Variants in MRGPRF observed in about 807,000 individuals in gnomAD.
MRGPRF encodes the protein mas-related G protein-coupled receptor member F.
Under a neutral mutation model 3.3 loss-of-function variants are expected in MRGPRF, and 2 were observed. That is an observed-to-expected ratio of 0.61 (90% CI 0.25 to 1.92). The LOEUF is 1.92. MRGPRF is among the 40% of genes most tolerant of loss of function. MRGPRF has a pLI of 0.16. For synonymous variants in MRGPRF, 242 were observed against 222.7 expected, an observed-to-expected ratio of 1.09 and a Z score of -0.77; for missense variants, 500 against 476.0, an observed-to-expected ratio of 1.05 and a Z score of -0.47.
At position 69,005,640 on chromosome 11, in the gene MRGPRF, C is replaced by T. The variant is rs139495945; in HGVS notation, c.670G>A (p.Val224Met). The T allele has an allele frequency of 9.0e-6, 14 of 1,553,794 alleles. No individual in the cohort carries two copies. The Admixed American group carries it at 1.2e-4, about 13-fold the overall frequency. The change falls in exon 3 of 3, where the codon GTG becomes ATG. Residue 224 changes from valine to methionine, a missense_variant. Coordinates refer to ENST00000309099, the MANE Select transcript of MRGPRF (RefSeq NM_145015.5). ...TGGCGCCGTCGGGCCCGGCACTCCA[C>T]GTGCAGGATGAGGGCCAGGCAGGGC... The part of the protein sequence containing the change: ...VLPCLALILH[V>M]ECRARRRQRS...
chr11:69,005,899 G>A lies in MRGPRF; in HGVS notation c.411C>T (p.Val137=). ...FLTGVSLLPA[V]SAERCASVIF... ...TGACCGAGGCGCAGCGCTCGGCGCT[G>A]ACGGCCGGCAGGAGGCTCACGCCGG... The change falls in exon 3 of 3, where the codon GTC becomes GTT. Residue 137 remains valine (V), a synonymous_variant. Transcript: ENST00000309099. 6.4e-7 allele frequency: 1 copy of A among 1,572,508 alleles called. No homozygotes were observed.
rs1024298309 is a variant in MRGPRF at position 69,004,550 on chromosome 11, T to C, written c.*728A>G. 2.0e-5 allele frequency: 3 copies of C among 152,360 alleles called. No homozygotes were observed. Among genetic ancestry groups the C allele is most frequent in the Non-Finnish European group, 2.9e-5 (2 of 68,142 alleles). 9.4% of individuals were successfully genotyped at this position (152,360 alleles called of 1,614,324 possible). The stretch of plus-strand genomic sequence containing the variant: ...GGTGGGGGCTGGAGCCAAGAGGCTG[T>C]CCAGGAGCTGCCCAGTGGGTCCTCA... On this transcript the variant is annotated 3_prime_UTR_variant, in exon 3 of 3. Coordinates refer to ENST00000309099, the MANE Select transcript of MRGPRF (RefSeq NM_145015.5).
chr11:69,005,624 C>G lies in MRGPRF; in HGVS notation c.686G>C (p.Arg229Pro). The G allele has an allele frequency of 6.4e-7, 1 of 1,557,898 alleles. No individual in the cohort carries two copies. Among genetic ancestry groups the G allele is most frequent in the Non-Finnish European group, 8.7e-7 (1 of 1,151,238 alleles). The stretch of plus-strand genomic sequence containing the variant: ...GAGCTTGGCAGAGCGCTGGCGCCGT[C>G]GGGCCCGGCACTCCACGTGCAGGAT... ...ALILHVECRA[R>P]RRQRSAKLNH... The change falls in exon 3 of 3, where the codon CGA becomes CCA. Residue 229 changes from arginine (R) to proline (P), a missense_variant. Physicochemically the swap from Arg to Pro is moderately radical, Grantham distance 103 (BLOSUM62 -2). Coordinates refer to ENST00000309099, the MANE Select transcript of MRGPRF (RefSeq NM_145015.5).
rs764030760 is a variant in MRGPRF, at chr11:69,006,115, G to C, written c.195C>G (p.Val65=). The change falls in exon 3 of 3, where the codon GTC becomes GTG. Residue 65 remains valine, a synonymous_variant. Coordinates refer to ENST00000309099, the MANE Select transcript of MRGPRF (RefSeq NM_145015.5). The part of the protein sequence containing the change: ...CLCGLVGNGL[V]LWFFGFSIKR... ...TGATGGAGAAGCCGAAAAACCAGAG[G>C]ACCAGCCCGTTGCCCACCAGGCCAC... The C allele has an allele frequency of 8.1e-6, 13 of 1,613,834 alleles. No individual in the cohort carries two copies. The highest frequency in any genetic ancestry group is 1.1e-5 in the Non-Finnish European group (13 of 1,179,902).
chr11:69,007,698 A>G (rs951132544), intron 2 of MRGPRF, among the ~76,000 whole-genome samples: 1 of 152,132 alleles, frequency 6.6e-6, no homozygotes, highest in Non-Finnish European at 1.5e-5. Context: ...ATCACTTGTA[A>G]GTTACATTTA....
chr11:69,009,719 A>C (rs750780147), intron 2 of MRGPRF, 135 bp downstream of exon 2: 1 of 1,066,048 alleles, frequency 9.4e-7, no homozygotes, highest in South Asian at 1.3e-5. Flanking sequence ...AGAGGAGCCC[A>C]CTGCCCACGG....
chr11:69,006,904 C>T (rs944701399), intron 2 of MRGPRF, among the ~76,000 whole-genome samples: 1 of 152,166 alleles, frequency 6.6e-6, no homozygotes, highest in Non-Finnish European at 1.5e-5. Flanking sequence ...AGACGTGAGT[C>T]ACTGCGCCTG....
At chr11:69,009,488 G>A (rs761610039) in intron 2 of MRGPRF, 8 of 579,466 alleles carry the variant, frequency 1.4e-5, no homozygotes, top group Non-Finnish European at 2.5e-5. Context: ...GGCCACCTTG[G>A]AGTCAGCGTC....
At chr11:69,009,669 G>A in intron 2 of MRGPRF, 185 bp downstream of exon 2, 1 of 723,778 alleles carries the variant, frequency 1.4e-6, no homozygotes, top group Admixed American at 2.0e-5. Context: ...GGACAGGAGG[G>A]TAGGAGGGTC....
chr11:69,009,691 T>G, intron 2 of MRGPRF, 163 bp downstream of exon 2: 3 of 809,744 alleles, frequency 3.7e-6, no homozygotes, highest in Non-Finnish European at 6.2e-6. Context: ...AGGGAACTTG[T>G]GCCCGGCCAC....
intron 1 of MRGPRF, among the ~76,000 whole-genome samples, chr11:69,011,593 A>G (rs1322667110): frequency 2.0e-5 from 3 of 152,078 alleles, no homozygotes; most frequent in Non-Finnish European, 4.4e-5. Context: ...GACAGGCCGT[A>G]ACTTCTCCAC....
In MRGPRF at chr11:69,006,278, A is replaced by T. The variant is rs761457818; in HGVS notation, c.49-17T>A. ...AGGGCACATCTGCGCAGGTGCAGAG[A>T]GGGACACCTGTGATGCCGGCTGGCC... On this transcript the variant is annotated splice_polypyrimidine_tract_variant and intron_variant, in intron 2 of 2. Coordinates refer to ENST00000309099, the MANE Select transcript of MRGPRF (RefSeq NM_145015.5). The T allele has an allele frequency of 8.9e-6, 14 of 1,575,436 alleles. No homozygotes were observed.
At chr11:69,007,077 C>T (rs980766234) in intron 2 of MRGPRF, among the ~76,000 whole-genome samples, 1 of 152,184 alleles carries the variant, frequency 6.6e-6, no homozygotes, top group African/African-American at 2.4e-5. Context: ...GGCATTGCAT[C>T]GGTGTTGCAG....
In MRGPRF at chr11:69,005,014, C is replaced by G. The variant is rs1860438406; in HGVS notation, c.*264G>C. 4.6e-6 allele frequency: 2 copies of G among 434,256 alleles called. No homozygotes were observed. Among genetic ancestry groups the G allele is most frequent in the Admixed American group, 8.2e-5 (2 of 24,446 alleles). The allele number at this position is 434,256 out of a possible 1,614,324, so 26.9% of individuals were successfully genotyped here. On this transcript the variant is annotated 3_prime_UTR_variant, in exon 3 of 3. Coordinates refer to ENST00000309099, the MANE Select transcript of MRGPRF (RefSeq NM_145015.5). ...CCTAGGGCAAGGAGGGGCCCCACCA[C>G]CTGGGGGCAACTTCTGTACAAGAGG...
At chr11:69,006,988 C>T (rs781333375) in intron 2 of MRGPRF, among the ~76,000 whole-genome samples, 3 of 152,160 alleles carry the variant, frequency 2.0e-5, no homozygotes, top group Admixed American at 6.5e-5. Flanking sequence ...CTGGATTATA[C>T]GCTGGATCTC....
At position 69,005,493 on chromosome 11, in the gene MRGPRF, C is replaced by A; in HGVS notation, c.817G>T (p.Glu273Ter). ...CAGATGCACAGGTCAGTGACGTACTCGGGGAAGGGGGCCGGGATCTGGAAG... is the reference window on the plus strand; with the variant it reads ...CAGATGCACAGGTCAGTGACGTACTAGGGGAAGGGGGCCGGGATCTGGAAG... The part of the protein sequence containing the change: ...WVFQIPAPFP[E>*]YVTDLCICIN... Residue 273 changes from glutamate (E) to a stop codon, truncating the protein, a stop_gained, in exon 3 of 3, where the codon GAG becomes TAG. Transcript: ENST00000309099. LOFTEE classifies it high-confidence loss of function. 1 of 1,582,844 alleles carries A rather than the reference C, an allele frequency of 6.3e-7. No homozygotes were observed. Among genetic ancestry groups the A allele is most frequent in the Non-Finnish European group, 8.6e-7 (1 of 1,164,602 alleles).
At position 69,006,342 on chromosome 11, in the gene MRGPRF, A is replaced by AGG. The variant is rs57545280; in HGVS notation, c.49-83_49-82dup. On this transcript the variant is annotated intron_variant, in intron 2 of 2. Coordinates refer to ENST00000309099, the MANE Select transcript of MRGPRF (RefSeq NM_145015.5). ...CTGCATCTGGGGCCCAGCGTGGGGG[A>AGG]GGGGGGGGGTCCCAATTAGGGACTT... 346 of 1,278,430 alleles carry AGG rather than the reference A, an allele frequency of 2.7e-4. No individual in the cohort carries two copies. The African/African-American group carries it at 4.8e-3, about 18-fold the overall frequency. The allele number at this position is 1,278,430 out of a possible 1,614,324, so 79.2% of individuals were successfully genotyped here.
rs919034872 is a variant in MRGPRF, at chr11:69,005,542, C to T, written c.768G>A (p.Gly256=). The T allele has an allele frequency of 2.5e-6, 4 of 1,583,278 alleles. No individual in the cohort carries two copies. Among genetic ancestry groups the T allele is most frequent in the African/African-American group, 1.3e-5 (1 of 74,292 alleles). Reference sequence around the variant, plus strand: ...AGACCCAGAAGAGGAACCAGTCGATCCCTAAGTAGATGGAGGACACCAGGA... The same window carrying T: ...AGACCCAGAAGAGGAACCAGTCGATTCCTAAGTAGATGGAGGACACCAGGA... ...SVFLVSSIYL[G]IDWFLFWVFQ... The change falls in exon 3 of 3, where the codon GGG becomes GGA. Residue 256 remains glycine (G), a synonymous_variant. Transcript: ENST00000309099.
chr11:69,006,559 C>T (rs566377775), intron 2 of MRGPRF, among the ~76,000 whole-genome samples: 9 of 151,560 alleles, frequency 5.9e-5, no homozygotes, highest in Non-Finnish European at 1.2e-4. Flanking sequence ...GGCTGCCCAC[C>T]GGTCAGAGTA....
Sources: allele counts gnomAD v4.1 joint callset (sites outside exome capture counted in the v4.1 genomes callset), GRCh38; gene constraint gnomAD v4.1.1; transcripts MANE v1.5; gene names NCBI Gene and HGNC (gene_info 2026-07-23, HGNC 2026-07-21).